Variants in KCNN2 observed in about 807,000 individuals in gnomAD.
KCNN2 encodes small conductance calcium-activated potassium channel protein 2.
Under a neutral mutation model 55.5 loss-of-function variants are expected in KCNN2, and 24 were observed. That is an observed-to-expected ratio of 0.43 (90% CI 0.31 to 0.61). The LOEUF is 0.61. KCNN2 is among the 20% of genes least tolerant of loss of function. The pLI is 0.08. For synonymous variants in KCNN2, 431 were observed against 336.1 expected, an observed-to-expected ratio of 1.28 and a Z score of -3.09; for missense variants, 754 against 853.6, an observed-to-expected ratio of 0.88 and a Z score of 1.45.
At chr5:114,492,087 A>G (rs1162142273) in intron 6 of KCNN2, among the ~76,000 whole-genome samples, 5 of 152,142 alleles carry the variant, frequency 3.3e-5, no homozygotes, top group Non-Finnish European at 7.4e-5. Context: ...TATAACCTTA[A>G]ACTGTTGTAG....
In KCNN2 at chr5:114,080,333, T is replaced by C. The variant is rs12520038; in HGVS notation, c.-271+23833T>C. On this transcript the variant is annotated intron_variant, in intron 1 of 10. Transcript: ENST00000512097. Reference sequence around the variant, plus strand: ...CTAGCTTTACAAAATGAGTTGGGAATTTTTTCTCTCTCATCCATGTTCTGA... The same window carrying C: ...CTAGCTTTACAAAATGAGTTGGGAACTTTTTCTCTCTCATCCATGTTCTGA... Among the ~76,000 whole-genome samples, 870 of 152,322 alleles carry C rather than the reference T, an allele frequency of 5.7e-3. 22 individuals carry two copies. The East Asian group carries it at 0.07, about 12-fold the overall frequency.
intron 1 of KCNN2, among the ~76,000 whole-genome samples, chr5:114,204,446 T>G (rs1300572405): frequency 6.6e-6 from 1 of 152,208 alleles, no homozygotes; most frequent in African/African-American, 2.4e-5. Flanking sequence ...CCAAGTGACT[T>G]GTCCAGAATC....
chr5:114,276,308 G>T (rs1755486264), intron 2 of KCNN2, among the ~76,000 whole-genome samples: 1 of 152,166 alleles, frequency 6.6e-6, no homozygotes, highest in Non-Finnish European at 1.5e-5. Context: ...ATATTCTGTT[G>T]ATTTGGGGTG....
chr5:114,364,272 C>T (rs1172036344), intron 2 of KCNN2, among the ~76,000 whole-genome samples: 1 of 152,184 alleles, frequency 6.6e-6, no homozygotes, highest in Non-Finnish European at 1.5e-5. Flanking sequence ...GGATCCTTTT[C>T]TCCAGATCAG....
chr5:114,278,413 A>T (rs1286459701), intron 2 of KCNN2, among the ~76,000 whole-genome samples: 2 of 152,188 alleles, frequency 1.3e-5, no homozygotes, highest in Admixed American at 6.5e-5. Flanking sequence ...AAGTCTGGAG[A>T]AGCTGTCTGC....
intron 1 of KCNN2, among the ~76,000 whole-genome samples, chr5:114,144,100 C>A (rs187640334): frequency 6.6e-6 from 1 of 152,294 alleles, no homozygotes; most frequent in Non-Finnish European, 1.5e-5. Flanking sequence ...AAAATCTGTT[C>A]TTTTAGCTTG....
intron 1 of KCNN2, among the ~76,000 whole-genome samples, chr5:114,088,609 TTTG>T (rs1187556758): frequency 6.6e-6 from 1 of 152,138 alleles, no homozygotes; most frequent in African/African-American, 2.4e-5. Context: ...ATTTTTGTTT[TTTG>T]TTGTTATTTG....
chr5:114,215,899 A>T (rs1753990803), intron 1 of KCNN2, among the ~76,000 whole-genome samples: 2 of 152,186 alleles, frequency 1.3e-5, no homozygotes, highest in East Asian at 1.9e-4. Flanking sequence ...TAAGAGATAA[A>T]TACATTCTAG....
At chr5:114,200,109 C>T (rs541557029) in intron 1 of KCNN2, among the ~76,000 whole-genome samples, 1 of 152,220 alleles carries the variant, frequency 6.6e-6, no homozygotes, top group East Asian at 1.9e-4. Flanking sequence ...ATATTCTAAA[C>T]TATTTGATCT....
chr5:114,185,331 T>C (rs986008160), intron 1 of KCNN2, among the ~76,000 whole-genome samples: 2 of 152,224 alleles, frequency 1.3e-5, no homozygotes, highest in Non-Finnish European at 2.9e-5. Context: ...TACATGTCAG[T>C]GTCATTATAG....
chr5:114,100,683 T>A (rs531159719), intron 1 of KCNN2, among the ~76,000 whole-genome samples: 1 of 152,118 alleles, frequency 6.6e-6, no homozygotes, highest in East Asian at 1.9e-4. Context: ...AGCCCAGACT[T>A]TGATTTCTAA....
chr5:114,155,620 G>A (rs1752615290), intron 1 of KCNN2, among the ~76,000 whole-genome samples: 1 of 152,078 alleles, frequency 6.6e-6, no homozygotes, highest in Non-Finnish European at 1.5e-5. Flanking sequence ...GTTTTGATTT[G>A]AATTTCTCTA....
At position 114,362,751 on chromosome 5, in the gene KCNN2, G is replaced by C. The variant is rs1377003589; in HGVS notation, c.612G>C (p.Glu204Asp). The change falls in exon 1 of 8, where the codon GAG (glutamate) becomes GAC (aspartate). Residue 204 changes from glutamate (E) to aspartate (D), a missense_variant. Physicochemically the swap from Glu to Asp is conservative, Grantham distance 45. This residue lies in a region of KCNN2 where 381 missense variants were observed against 259.1 expected (regional missense o/e 1.47). Transcript: ENST00000673685. Reference protein sequence around the residue: ...HQHHQPQARRESNPFTEIAMS... With the variant: ...HQHHQPQARRDSNPFTEIAMS... ...ACCACCAGCCCCAGGCGCGCCGCGA[G>C]AGCAACCCCTTCACCGAAATAGCCA... 5.1e-6 allele frequency: 8 copies of C among 1,553,754 alleles called. No individual in the cohort carries two copies. The highest frequency in any genetic ancestry group is 1.7e-4 in the Middle Eastern group (1 of 5,842).
chr5:114,482,959 C>G (rs979121118), intron 5 of KCNN2, among the ~76,000 whole-genome samples: 1 of 151,906 alleles, frequency 6.6e-6, no homozygotes, highest in African/African-American at 2.4e-5. Context: ...ATGGAATGAT[C>G]TGTGCAGCAA....
intron 3 of KCNN2, among the ~76,000 whole-genome samples, chr5:114,438,829 A>T (rs1238620016): frequency 6.6e-6 from 1 of 152,194 alleles, no homozygotes; most frequent in African/African-American, 2.4e-5. Context: ...CGAACTGGAC[A>T]ACTAAAGCTG....
chr5:114,389,996 C>T (rs561221233), intron 2 of KCNN2, among the ~76,000 whole-genome samples: 1 of 152,216 alleles, frequency 6.6e-6, no homozygotes, highest in South Asian at 2.1e-4. Flanking sequence ...GTGACCATGA[C>T]CAAATTCTTT....
intron 3 of KCNN2, among the ~76,000 whole-genome samples, chr5:114,429,633 C>T (rs143736194): frequency 2.0e-5 from 3 of 152,020 alleles, no homozygotes; most frequent in East Asian, 1.9e-4. Flanking sequence ...TGTTTTCTTC[C>T]GTGGATTGTG....
At chr5:114,133,761 A>G (rs1236810029) in intron 1 of KCNN2, among the ~76,000 whole-genome samples, 1 of 152,224 alleles carries the variant, frequency 6.6e-6, no homozygotes, top group African/African-American at 2.4e-5. Context: ...AACAAATGTT[A>G]ACACTAATAC....
At chr5:114,226,421 G>T (rs1754238337) in intron 2 of KCNN2, among the ~76,000 whole-genome samples, 2 of 152,054 alleles carry the variant, frequency 1.3e-5, no homozygotes, top group South Asian at 4.1e-4. Flanking sequence ...TTATGCATAT[G>T]ATTTTGCAAC....
Sources: gnomAD v4.1 joint callset for allele counts (sites outside exome capture counted in the v4.1 genomes callset) on GRCh38, gnomAD v4.1.1 for gene constraint, gnomAD v4.1.1 regional missense constraint, MANE v1.5 for transcripts, NCBI Gene and HGNC (gene_info 2026-07-23, HGNC 2026-07-21) for gene names.